LPAR5: variants seen among roughly 807,000 people sequenced by gnomAD.
LPAR5 encodes G protein-coupled receptor 92.
For synonymous variants in LPAR5, 271 were observed against 261.6 expected (o/e 1.04, Z -0.35); for missense variants, 544 against 521.8 (o/e 1.04, Z -0.41).
intron 1 of LPAR5, among the ~76,000 whole-genome samples, chr12:6,623,122 C>T (rs764560808): frequency 2.0e-5 from 3 of 152,070 alleles, no homozygotes; most frequent in Admixed American, 6.6e-5. Context: ...CCTGTAGTCC[C>T]AGCTACTCAG....
rs564768209 is a variant in LPAR5, at chr12:6,625,811, GT to G, written c.-216-4348del. 4.0e-3 allele frequency among the ~76,000 whole-genome samples: 599 copies of G among 149,474 alleles called. 3 individuals are homozygous for G. Among genetic ancestry groups the G allele is most frequent in the African/African-American group, 0.014 (560 of 39,948 alleles). On this transcript the variant is annotated intron_variant, in intron 1 of 1. Transcript: ENST00000329858. ...GTTTTTTGTTTGTTTTTTGTTTTTT[GT>G]TTTTTTTGAGACAGGGTCTCACTCC...
chr12:6,624,609 C>CT (rs1248281905), intron 1 of LPAR5, among the ~76,000 whole-genome samples: 1 of 151,462 alleles, frequency 6.6e-6, no homozygotes, highest in African/African-American at 2.4e-5. Context: ...AAAGGAATTT[C>CT]TTTTTTTTTC....
rs1335227840 is a variant in LPAR5 at position 6,620,158 on chromosome 12, G to T, written c.1091C>A (p.Thr364Lys). The change falls in exon 2 of 2, where the codon ACA becomes AAA. Residue 364 changes from threonine to lysine, a missense_variant. Thr to Lys is a moderately conservative substitution (Grantham distance 78, BLOSUM62 -1). Transcript: ENST00000329858. The surrounding 1 kb of genome is among the most constrained non-coding windows in gnomAD (Gnocchi z 6.8). ...PSDSHSLSSFTQCPQDSAL is the reference protein window; with the variant it reads ...PSDSHSLSSFKQCPQDSAL ...GAGGGCGGAATCCTGGGGACACTGT[G>T]TGAAGGAAGACAGAGAGTGGGAGTC... is the stretch of plus-strand genomic sequence containing the variant. 6.2e-7 allele frequency: 1 copy of T among 1,613,618 alleles called. No homozygotes were observed. The highest frequency in any genetic ancestry group is 8.5e-7 in the Non-Finnish European group (1 of 1,179,646).
At chr12:6,622,043 G>A (rs1008281534) in intron 1 of LPAR5, among the ~76,000 whole-genome samples, 20 of 151,886 alleles carry the variant, frequency 1.3e-4, no homozygotes, top group Non-Finnish European at 2.9e-4. Flanking sequence ...CAGGAGAATC[G>A]CTTGAAACCA....
chr12:6,620,506 A>G lies in LPAR5; in HGVS notation c.743T>C (p.Val248Ala). Residue 248 changes from valine to alanine, a missense_variant, in exon 2 of 2, where the codon GTG becomes GCG. Val to Ala is a moderately conservative substitution (Grantham distance 64). Coordinates refer to ENST00000329858, the MANE Select transcript of LPAR5 (RefSeq NM_020400.6). The surrounding 1 kb of genome is among the most constrained non-coding windows in gnomAD (Gnocchi z 6.8). ...ANLVIFLLCF[V>A]PYNSTLAVYG... ...GACCGCCAGCGTGCTGTTGTAGGGC[A>G]CGAAGCACAGCAGGAAGATGACGAG... 6.3e-7 allele frequency: 1 copy of G among 1,585,786 alleles called. No individual in the cohort carries two copies. Among genetic ancestry groups the G allele is most frequent in the Non-Finnish European group, 8.6e-7 (1 of 1,166,342 alleles).
At chr12:6,623,775 T>C (rs1209771082) in intron 1 of LPAR5, among the ~76,000 whole-genome samples, 2 of 152,148 alleles carry the variant, frequency 1.3e-5, no homozygotes, top group Non-Finnish European at 2.9e-5. Flanking sequence ...TAGGTGGTCT[T>C]ATGGAGCACC....
intron 1 of LPAR5, among the ~76,000 whole-genome samples, chr12:6,625,678 A>G (rs943533029): frequency 2.7e-5 from 4 of 150,486 alleles, no homozygotes; most frequent in Non-Finnish European, 5.9e-5. Flanking sequence ...AGCCGAGTTC[A>G]CGCCACTGCA....
chr12:6,630,817 C>G (rs60427776), intron 1 of LPAR5, among the ~76,000 whole-genome samples: 3 of 152,144 alleles, frequency 2.0e-5, no homozygotes, highest in Non-Finnish European at 4.4e-5. Flanking sequence ...TCACACAGAA[C>G]GGCCCAAGCT....
At chr12:6,622,468 G>C (rs1948903854) in intron 1 of LPAR5, among the ~76,000 whole-genome samples, 1 of 151,132 alleles carries the variant, frequency 6.6e-6, no homozygotes, top group Non-Finnish European at 1.5e-5. Flanking sequence ...TAAAAATAAG[G>C]CTGGGCGTGG....
At chr12:6,628,639 T>C (rs555410886) in intron 1 of LPAR5, among the ~76,000 whole-genome samples, 12 of 151,538 alleles carry the variant, frequency 7.9e-5, no homozygotes, top group Admixed American at 4.6e-4. Flanking sequence ...TTCTTTTTTT[T>C]TTTTTTTTTT....
Position 6,620,350 on chromosome 12 carries a change from C to T in LPAR5, c.899G>A (p.Ser300Asn). 1.2e-6 allele frequency: 2 copies of T among 1,611,316 alleles called. No homozygotes were observed. Among genetic ancestry groups the T allele is most frequent in the South Asian group, 2.2e-5 (2 of 90,950 alleles). ...CVLDPLVYYF[S>N]AEGFRNTLRG... ...CAGGGTGTTGCGGAAGCCCTCGGCG[C>T]TAAAGTAGTACACCAGCGGGTCCAG... The change falls in exon 2 of 2, where the codon AGC becomes AAC. Residue 300 changes from serine (S) to asparagine (N), a missense_variant. Physicochemically the swap from Ser to Asn is conservative, Grantham distance 46. Coordinates refer to ENST00000329858, the MANE Select transcript of LPAR5 (RefSeq NM_020400.6). The surrounding 1 kb of genome is among the most constrained non-coding windows in gnomAD (Gnocchi z 6.8).
chr12:6,628,021 C>CTTTTTTT (rs1296336106), intron 1 of LPAR5, among the ~76,000 whole-genome samples: 2 of 112,764 alleles, frequency 1.8e-5, no homozygotes, highest in Admixed American at 1.0e-4. Context: ...TTTTCTTTTT[C>CTTTTTTT]TTTTTTCTTT....
chr12:6,628,617 C>T (rs535424009), intron 1 of LPAR5, among the ~76,000 whole-genome samples: 5 of 151,452 alleles, frequency 3.3e-5, no homozygotes, highest in African/African-American at 7.3e-5. Flanking sequence ...CTCACCACCA[C>T]GCCCAGCTAA....
chr12:6,620,235 G>A lies in LPAR5; in HGVS notation c.1014C>T (p.Thr338=), dbSNP rs1304817794. The change falls in exon 2 of 2, where the codon ACC becomes ACT. Residue 338 remains threonine, a synonymous_variant. Coordinates refer to ENST00000329858, the MANE Select transcript of LPAR5 (RefSeq NM_020400.6). The surrounding 1 kb of genome is among the most constrained non-coding windows in gnomAD (Gnocchi z 6.8). ...CGGCATCCGGCCTGGTGGCGTCGGT[G>A]GTGACGGCGGACCTTTCGGATTGCG... ...ALAQSERSAV[T]TDATRPDAAS... 6.2e-7 allele frequency: 1 copy of A among 1,611,478 alleles called. No homozygotes were observed. The highest frequency in any genetic ancestry group is 8.5e-7 in the Non-Finnish European group (1 of 1,178,906).
chr12:6,624,535 CT>C (rs1472424502), intron 1 of LPAR5, among the ~76,000 whole-genome samples: 1 of 151,974 alleles, frequency 6.6e-6, no homozygotes, highest in African/African-American at 2.4e-5. Flanking sequence ...AATATTTGTC[CT>C]TTTGTGTCTG....
rs867339557 is a variant in LPAR5, at chr12:6,620,504, G to A, written c.745C>T (p.Pro249Ser). 14 of 1,585,494 alleles carry A rather than the reference G, an allele frequency of 8.8e-6. No individual in the cohort carries two copies. The Admixed American group carries it at 2.2e-4, about 25-fold the overall frequency. Residue 249 changes from proline (P) to serine (S), a missense_variant, in exon 2 of 2, where the codon CCC (proline) becomes TCC (serine). Coordinates refer to ENST00000329858, the MANE Select transcript of LPAR5 (RefSeq NM_020400.6). This position sits in a 1 kb window ranked among gnomAD's most constrained non-coding sequence, Gnocchi z 6.8. ...NLVIFLLCFVPYNSTLAVYGL... is the reference protein window; with the variant it reads ...NLVIFLLCFVSYNSTLAVYGL... ...TAGACCGCCAGCGTGCTGTTGTAGG[G>A]CACGAAGCACAGCAGGAAGATGACG...
chr12:6,629,095 ACCGGGCACGGTGGC>A, intron 1 of LPAR5, among the ~76,000 whole-genome samples: 1 of 141,964 alleles, frequency 7.0e-6, no homozygotes, highest in East Asian at 2.3e-4. Context: ...GTTACAATGT[ACCGGGCACGGTGGC>A]TCACGCCTGT....
chr12:6,626,019 T>C lies in LPAR5; in HGVS notation c.-216-4555A>G, dbSNP rs949036088. On this transcript the variant is annotated intron_variant, in intron 1 of 1. Coordinates refer to ENST00000329858, the MANE Select transcript of LPAR5 (RefSeq NM_020400.6). ...GGGCAGTGGCTCATGCCTGTAATCC[T>C]AGCACTTTGGGAGGCTGAGGTGGGT... Among the ~76,000 whole-genome samples, 4 of 151,970 alleles carry C rather than the reference T, an allele frequency of 2.6e-5. No homozygotes were observed. The South Asian group carries it at 6.2e-4, about 24-fold the overall frequency.
At position 6,620,808 on chromosome 12, in the gene LPAR5, C is replaced by T; in HGVS notation, c.441G>A (p.Ala147=). The change falls in exon 2 of 2, where the codon GCG becomes GCA. Residue 147 remains alanine (A), a synonymous_variant. Coordinates refer to ENST00000329858, the MANE Select transcript of LPAR5 (RefSeq NM_020400.6). The surrounding 1 kb of genome is among the most constrained non-coding windows in gnomAD (Gnocchi z 6.8). ...CGGGCACGGCAAACACCAGGATGAG[C>T]GCCCACACGCCCAGGCAGAGCAGCC... ...VARLLCLGVW[A]LILVFAVPAA... 1 of 1,564,776 alleles carries T rather than the reference C, an allele frequency of 6.4e-7. No homozygotes were observed. Among genetic ancestry groups the T allele is most frequent in the Non-Finnish European group, 8.7e-7 (1 of 1,155,432 alleles).
Sources: allele counts gnomAD v4.1 joint callset (sites outside exome capture counted in the v4.1 genomes callset), GRCh38; gene constraint gnomAD v4.1.1; non-coding constraint Gnocchi (gnomAD v3.1); transcripts MANE v1.5; gene names NCBI Gene and HGNC (gene_info 2026-07-23, HGNC 2026-07-21).